TTN: variants seen among roughly 807,000 people sequenced by gnomAD.
The protein encoded by TTN is titin, also known as connectin.
Under a neutral mutation model 3,223.0 loss-of-function variants are expected in TTN, and 1,525 were observed. The observed-to-expected ratio is 0.47, with a 90% CI of 0.45 to 0.49. The LOEUF (loss-of-function observed/expected upper bound fraction) is 0.49, where lower values mean the gene tolerates loss of function less well. TTN is among the 20% of genes least tolerant of loss of function. The pLI is 0.00. For missense variants in TTN, 40,786 were observed against 43,424.0 expected (o/e 0.94, Z 5.40); for synonymous variants, 14,094 against 15,161.0 (o/e 0.93, Z 5.17).
chr2:178,782,107 G>A, intron 20 of TTN, 105 bp downstream of exon 20: 1 of 1,326,790 alleles, frequency 7.5e-7, no homozygotes, highest in South Asian at 1.2e-5. Flanking sequence ...GCTCCACAAT[G>A]AAAGAGCCTA....
rs186977868 is a variant in TTN at position 178,533,716 on chromosome 2, G to A, written c.102899C>T (p.Pro34300Leu). The A allele has an allele frequency of 2.5e-6, 4 of 1,613,858 alleles. No homozygotes were observed. In the East Asian group the frequency reaches 8.9e-5, roughly 36 times the overall value. The change falls in exon 358 of 363, where the codon CCA becomes CTA. Residue 34300 changes from proline (P) to leucine (L), a missense_variant. Coordinates refer to ENST00000589042, the MANE Select transcript of TTN (RefSeq NM_001267550.2). ...TGTGTACTTCTTGTCATTGTCACCTGGTTTGATTTTCTGACCTGATTTATA... is the reference window on the plus strand; with the variant it reads ...TGTGTACTTCTTGTCATTGTCACCTAGTTTGATTTTCTGACCTGATTTATA... Reference protein sequence around the residue: ...TWYKSGQKIKPGDNDKKYTFE... With the variant: ...TWYKSGQKIKLGDNDKKYTFE...
chr2:178,570,204 CT>C lies in TTN; in HGVS notation c.75927del (p.Ala25310LeufsTer7), dbSNP rs772197105. The C allele has an allele frequency of 6.2e-7, 1 of 1,613,422 alleles. No individual in the cohort carries two copies. The highest frequency in any genetic ancestry group is 1.1e-5 in the South Asian group (1 of 91,072). ...TTGGTCACTGTTGTGACTTCTGGAG[CT>C]TTTGGTGCATCTGGTACTACAAATG... ...KNPFVVPDAPKAPEVTTVTKD... is the reference protein window; with the variant it reads ...KNPFVVPDAPXAPEVTTVTKD... On this transcript the variant is annotated frameshift_variant, in exon 326 of 363. Transcript: ENST00000589042. LOFTEE classifies it high-confidence loss of function.
Position 178,768,091 on chromosome 2 carries a change from C to T in TTN, c.9228G>A (p.Met3076Ile), listed in dbSNP as rs144592053. ...CAGGTTCAGAAACTTCACATTCAAA[C>T]ATGGCTCGCTTCTTCTCCAGTACCT... is the stretch of plus-strand genomic sequence containing the variant. ...DIKVLEKKRA[M>I]FECEVSEPDI... The change falls in exon 39 of 363, where the codon ATG becomes ATA. Residue 3076 changes from methionine to isoleucine, a missense_variant. Coordinates refer to ENST00000589042, the MANE Select transcript of TTN (RefSeq NM_001267550.2). The T allele has an allele frequency of 5.6e-6, 9 of 1,614,000 alleles. No homozygotes were observed. Among genetic ancestry groups the T allele is most frequent in the East Asian group, 2.2e-5 (1 of 44,842 alleles).
rs878971321 is a variant in TTN at position 178,561,704 on chromosome 2, G to A, written c.84428C>T (p.Ser28143Phe). Residue 28143 changes from serine to phenylalanine, a missense_variant, in exon 326 of 363, where the codon TCT (serine) becomes TTT (phenylalanine). Transcript: ENST00000589042. Reference sequence around the variant, plus strand: ...TGGATACTCTGCAACAACAGCTGAAGATTCACTGTAGGAGCTCTTTCCATA... The same window carrying A: ...TGGATACTCTGCAACAACAGCTGAAAATTCACTGTAGGAGCTCTTTCCATA... The part of the protein sequence containing the change: ...NRYGKSSYSE[S>F]SAVVAEYPFS... 6.2e-7 allele frequency: 1 copy of A among 1,608,946 alleles called. No individual in the cohort carries two copies. The highest frequency in any genetic ancestry group is 1.3e-5 in the African/African-American group (1 of 74,730).
At position 178,590,805 on chromosome 2, in the gene TTN, T is replaced by A. The variant is rs1553643111; in HGVS notation, c.60920A>T (p.Tyr20307Phe). 2 of 1,607,446 alleles carry A rather than the reference T, an allele frequency of 1.2e-6. No homozygotes were observed. The highest frequency in any genetic ancestry group is 1.7e-6 in the Non-Finnish European group (2 of 1,174,706). ...GCCAGTTACTTCTCGACGTTCCATA[T>A]AGTAGCCAGTTATTGGACTGCCACC... ...SDGGSPITGY[Y>F]MERREVTGKW... Residue 20307 changes from tyrosine to phenylalanine, a missense_variant, in exon 304 of 363, where the codon TAT becomes TTT. Tyr to Phe is a conservative substitution (Grantham distance 22). Transcript: ENST00000589042.
chr2:178,705,497 T>C, intron 102 of TTN, 140 bp from the exon 103 acceptor site: 1 of 724,088 alleles, frequency 1.4e-6, no homozygotes, highest in Non-Finnish European at 2.0e-6. Context: ...CCATGTTAGC[T>C]GTGAAACAAT....
intron 72 of TTN, 48 bp from the exon 73 acceptor site, chr2:178,724,191 G>C: frequency 1.3e-6 from 2 of 1,584,358 alleles, no homozygotes; most frequent in East Asian, 2.2e-5. Context: ...AAGAATAGAA[G>C]AGACTTGAAA....
In TTN at chr2:178,728,654, T is replaced by C. The variant is rs749497096; in HGVS notation, c.19272A>G (p.Gln6424=). ...LKVKWLKDGK[Q]IVPSRYFSMS... ...TTGAAAAGTATCTACTGGGAACTAT[T>C]TGTTTCCCGTCTTTAAGCCATTTCA... The change falls in exon 66 of 363, where the codon CAA becomes CAG. Residue 6424 remains glutamine, a synonymous_variant. Transcript: ENST00000589042. 6.2e-7 allele frequency: 1 copy of C among 1,613,386 alleles called. No individual in the cohort carries two copies. The highest frequency in any genetic ancestry group is 8.5e-7 in the Non-Finnish European group (1 of 1,179,592).
intron 349 of TTN, 49 bp downstream of exon 349, chr2:178,542,215 C>T: frequency 6.6e-7 from 1 of 1,524,504 alleles, no homozygotes; most frequent in Non-Finnish European, 8.9e-7. Flanking sequence ...TTTTTGTTAA[C>T]ATTCAGAATC....
In TTN at chr2:178,702,168, C is replaced by G; in HGVS notation, c.30511G>C (p.Glu10171Gln). The G allele has an allele frequency of 1.9e-6, 3 of 1,613,938 alleles. No individual in the cohort carries two copies. The highest frequency in any genetic ancestry group is 2.5e-6 in the Non-Finnish European group (3 of 1,179,860). ...TGGCTTTCTGATGGCGCTACCTCAC[C>G]TTTCGTCGTTAGGTACAGCTCTGCC... The part of the protein sequence containing the change: ...STAELYLTTK[E>Q]IKLELKPPDI... The change falls in exon 108 of 363, where the codon GAA becomes CAA. Residue 10171 changes from glutamate (E) to glutamine (Q), a missense_variant and splice_region_variant. Glu to Gln is a conservative substitution (Grantham distance 29, BLOSUM62 2). Coordinates refer to ENST00000589042, the MANE Select transcript of TTN (RefSeq NM_001267550.2).
chr2:178,651,443 C>A lies in TTN; in HGVS notation c.39547+10G>T. On this transcript the variant is annotated intron_variant, in intron 207 of 362. Transcript: ENST00000589042. ...TCCGCCCCCATCAAACAGTGGACAG[C>A]CACATATACCTTTAGCAGGTGGGGC... 1.9e-6 allele frequency: 3 copies of A among 1,606,590 alleles called. No homozygotes were observed. Among genetic ancestry groups the A allele is most frequent in the Non-Finnish European group, 1.7e-6 (2 of 1,177,642 alleles).
At position 178,681,259 on chromosome 2, in the gene TTN, A is replaced by C. The variant is rs2069323617; in HGVS notation, c.33248-88T>G. 3.4e-6 allele frequency: 5 copies of C among 1,451,222 alleles called. No individual in the cohort carries two copies. The African/African-American group carries it at 7.1e-5, about 21-fold the overall frequency. 89.9% of individuals were successfully genotyped at this position (1,451,222 alleles called of 1,614,324 possible). On this transcript the variant is annotated intron_variant, in intron 137 of 362. Coordinates refer to ENST00000589042, the MANE Select transcript of TTN (RefSeq NM_001267550.2). ...ACACATAAAAAACTGAAATGTAAGAATCAGGACAAGAACATCCTACTCAGC... is the reference window on the plus strand; with the variant it reads ...ACACATAAAAAACTGAAATGTAAGACTCAGGACAAGAACATCCTACTCAGC...
Position 178,562,297 on chromosome 2 carries a change from A to C in TTN, c.83835T>G (p.Ser27945Arg). The C allele has an allele frequency of 2.5e-6, 4 of 1,613,374 alleles. No homozygotes were observed. Among genetic ancestry groups the C allele is most frequent in the Non-Finnish European group, 3.4e-6 (4 of 1,179,666 alleles). ...CTGGCACTCCAAGTTGTCTTGGATC[A>C]CTTCTTCCCTTTTCGTTAACTGCAG... ...RVAAVNEKGR[S>R]DPRQLGVPVI... The change falls in exon 326 of 363, where the codon AGT becomes AGG. Residue 27945 changes from serine to arginine, a missense_variant. Transcript: ENST00000589042.
In TTN at chr2:178,767,775, A is replaced by G. The variant is rs1228152341; in HGVS notation, c.9455T>C (p.Ile3152Thr). The G allele has an allele frequency of 6.2e-7, 1 of 1,614,006 alleles. No individual in the cohort carries two copies. The highest frequency in any genetic ancestry group is 8.5e-7 in the Non-Finnish European group (1 of 1,180,004). ...AGACAATACCTGAACCTCCTTTTTA[A>G]TACTTCGGATGCGAACATCTCTGCC... ...VEGRDVRIRS[I>T]KKEVQVIEKQ... The change falls in exon 40 of 363, where the codon ATT (isoleucine) becomes ACT (threonine). Residue 3152 changes from isoleucine to threonine, a missense_variant. Coordinates refer to ENST00000589042, the MANE Select transcript of TTN (RefSeq NM_001267550.2).
chr2:178,762,522 A>T (rs1428735119), intron 43 of TTN, among the ~76,000 whole-genome samples: 1 of 152,230 alleles, frequency 6.6e-6, no homozygotes, highest in Admixed American at 6.5e-5. Flanking sequence ...ACTTAAAAGC[A>T]CTATACCAAT....
chr2:178,778,584 G>A (rs2092467663), intron 24 of TTN: 1 of 423,972 alleles, frequency 2.4e-6, no homozygotes, highest in Non-Finnish European at 4.4e-6. Flanking sequence ...TTTTATTGCA[G>A]GGCTGTTGTA....
chr2:178,570,385 G>A lies in TTN; in HGVS notation c.75747C>T (p.Arg25249=), dbSNP rs2154168503. The A allele has an allele frequency of 6.2e-7, 1 of 1,613,242 alleles. No homozygotes were observed. Among genetic ancestry groups the A allele is most frequent in the Non-Finnish European group, 8.5e-7 (1 of 1,179,592 alleles). ...TGGCATCAACCACAGTCCAAACTAAGCGGCTGGTTTCTCTCCTTTCCACAA... is the reference window on the plus strand; with the variant it reads ...TGGCATCAACCACAGTCCAAACTAAACGGCTGGTTTCTCTCCTTTCCACAA... ...NYIVERRETS[R]LVWTVVDANV... is the part of the protein sequence containing the mutation. The change falls in exon 326 of 363, where the codon CGC becomes CGT. Residue 25249 remains arginine, a synonymous_variant. Transcript: ENST00000589042.
In TTN at chr2:178,575,906, T is replaced by C. The variant is rs1709909119; in HGVS notation, c.70226A>G (p.Asp23409Gly). 25 of 1,613,628 alleles carry C rather than the reference T, an allele frequency of 1.5e-5. No individual in the cohort carries two copies. The highest frequency in any genetic ancestry group is 2.1e-5 in the Non-Finnish European group (25 of 1,179,618). ...AATGGTCATGACAAATTTACCGGTA[T>C]CATATCTGTTACATTCTGGGATAAT... ...LLIIPECNRYDTGKFVMTIEN... is the reference protein window; with the variant it reads ...LLIIPECNRYGTGKFVMTIEN... The change falls in exon 326 of 363, where the codon GAT becomes GGT. Residue 23409 changes from aspartate (D) to glycine (G), a missense_variant. By Grantham distance (94) the Asp-to-Gly change is moderately conservative. Coordinates refer to ENST00000589042, the MANE Select transcript of TTN (RefSeq NM_001267550.2). The surrounding 1 kb of genome is among the most constrained non-coding windows in gnomAD (Gnocchi z 4.0).
At chr2:178,686,372 G>A (rs970165856) in intron 127 of TTN, among the ~76,000 whole-genome samples, 13 of 151,284 alleles carry the variant, frequency 8.6e-5, no homozygotes, top group African/African-American at 2.4e-4. Context: ...CACCCGCCTC[G>A]GCCTCCCAAA....
Sources: gnomAD v4.1 joint callset for allele counts (sites outside exome capture counted in the v4.1 genomes callset) on GRCh38, gnomAD v4.1.1 for gene constraint, Gnocchi (gnomAD v3.1) non-coding constraint, MANE v1.5 for transcripts, NCBI Gene and HGNC (gene_info 2026-07-23, HGNC 2026-07-21) for gene names.